ARHGEF10: variants seen among roughly 807,000 people sequenced by gnomAD.
ARHGEF10 encodes Rho guanine nucleotide exchange factor 10.
In ARHGEF10, 140 loss-of-function variants were observed where a neutral mutation model predicts 147.4. The observed-to-expected ratio is 0.95, with a 90% CI of 0.83 to 1.09. The LOEUF is 1.09. Among genes scored for constraint, ARHGEF10 ranks in the 50% least tolerant of loss-of-function variants. The pLI is 0.00. For synonymous variants in ARHGEF10, 902 were observed against 695.8 expected (o/e 1.30, Z -4.67); for missense variants, 2,222 against 1,752.7 (o/e 1.27, Z -4.78).
intron 21 of ARHGEF10, 134 bp downstream of exon 21, chr8:1,924,008 C>A: frequency 1.1e-6 from 1 of 882,656 alleles, no homozygotes; most frequent in Non-Finnish European, 1.8e-6. Context: ...TGTTTCTAAA[C>A]AGGAAAATTC....
chr8:1,909,442 C>T lies in ARHGEF10; in HGVS notation c.2115C>T (p.Ser705=), dbSNP rs770760915. The change falls in exon 18 of 29, where the codon AGC becomes AGT. Residue 705 remains serine, a synonymous_variant. Transcript: ENST00000349830. ...SRHLAVHPPE[S]LAVVANAKPN... ...ACCTTGCCGTTCACCCGCCGGAGAG[C>T]CTGGCCGTGGTTGCTAACGCGAAAC... 6 of 1,614,124 alleles carry T rather than the reference C, an allele frequency of 3.7e-6. No individual in the cohort carries two copies. The East Asian group carries it at 6.7e-5, about 18-fold the overall frequency.
In ARHGEF10 at chr8:1,832,817, CAG is replaced by C. The variant is rs1310190201; in HGVS notation, c.-48+8713_-48+8714del. On this transcript the variant is annotated intron_variant, in intron 1 of 28. Transcript: ENST00000349830. ...ACAGAGGCAGAGGCAGAGACAGAGG[CAG>C]AGAGAGAGGCAGAGGCAGAGACAGA... Among the ~76,000 whole-genome samples, 16 of 54,512 alleles carry C rather than the reference CAG, an allele frequency of 2.9e-4. 1 individual carries two copies. The highest frequency in any genetic ancestry group is 2.5e-3 in the South Asian group (4 of 1,590). 35.8% of individuals were successfully genotyped at this position (54,512 alleles called of 152,430 possible).
chr8:1,839,951 C>T (rs377696731), intron 1 of ARHGEF10, among the ~76,000 whole-genome samples: 63 of 79,606 alleles, frequency 7.9e-4, no homozygotes, highest in African/African-American at 1.6e-3. Context: ...GGGGACTGTC[C>T]GGTGTGGAAG....
chr8:1,909,202 G>A, intron 17 of ARHGEF10, 93 bp from the exon 18 acceptor site: 15 of 1,531,180 alleles, frequency 9.8e-6, no homozygotes, highest in South Asian at 9.0e-5. Context: ...ATTCAGCAGT[G>A]GGAAGTTTCT....
chr8:1,866,628 A>G (rs1420597723), intron 6 of ARHGEF10, 26 bp downstream of exon 6: 1 of 1,599,882 alleles, frequency 6.3e-7, no homozygotes, highest in Non-Finnish European at 8.5e-7. Flanking sequence ...GCCCACAGCC[A>G]GAATCCTCAC....
At chr8:1,939,116 G>T (rs150321942) in intron 26 of ARHGEF10, among the ~76,000 whole-genome samples, 5 of 151,984 alleles carry the variant, frequency 3.3e-5, no homozygotes, top group Non-Finnish European at 7.4e-5. Context: ...CCCAGTCCCC[G>T]GAGACTCCTG....
intron 27 of ARHGEF10, among the ~76,000 whole-genome samples, chr8:1,951,281 T>C (rs1004320427): frequency 1.3e-5 from 2 of 152,278 alleles, no homozygotes; most frequent in Non-Finnish European, 2.9e-5. Context: ...GTACCCTGCG[T>C]ATCAGCTTTG....
intron 18 of ARHGEF10, among the ~76,000 whole-genome samples, chr8:1,921,396 G>T (rs1256716937): frequency 1.3e-5 from 2 of 152,290 alleles, no homozygotes; most frequent in East Asian, 3.9e-4. Flanking sequence ...TAGCATAGAA[G>T]GAAAATGCAG....
At chr8:1,854,165 A>C (rs1805371779) in intron 2 of ARHGEF10, among the ~76,000 whole-genome samples, 1 of 152,208 alleles carries the variant, frequency 6.6e-6, no homozygotes, top group African/African-American at 2.4e-5. Flanking sequence ...CCCAGGGCCC[A>C]GGGCAGTGTC....
At chr8:1,863,831 C>T (rs1043175614) in intron 4 of ARHGEF10, among the ~76,000 whole-genome samples, 3 of 151,888 alleles carry the variant, frequency 2.0e-5, no homozygotes, top group Admixed American at 6.6e-5. Flanking sequence ...TCAGGCGGGT[C>T]GGACTGCGCG....
In ARHGEF10 at chr8:1,830,513, A is replaced by G. The variant is rs529967065; in HGVS notation, c.-48+6400A>G. ...CTATAAAAAGAAACAACCTTTGCAC[A>G]TGAAGAAAATCTACCTGTGGCCATA... On this transcript the variant is annotated intron_variant, in intron 1 of 28. Transcript: ENST00000349830. Among the ~76,000 whole-genome samples, 10 of 152,358 alleles carry G rather than the reference A, an allele frequency of 6.6e-5. No homozygotes were observed. The South Asian group carries it at 2.1e-3, about 32-fold the overall frequency.
chr8:1,957,451 A>G lies in ARHGEF10; in HGVS notation c.*188A>G, dbSNP rs1815675012. 2.0e-5 allele frequency: 16 copies of G among 816,222 alleles called. No homozygotes were observed. In the South Asian group the frequency reaches 2.9e-4, roughly 15 times the overall value. 50.6% of individuals were successfully genotyped at this position (816,222 alleles called of 1,614,324 possible). On this transcript the variant is annotated 3_prime_UTR_variant, in exon 29 of 29. Transcript: ENST00000349830. Reference sequence around the variant, plus strand: ...ATTCCTTCCTTCTCTTCTGTACAGCAGAAGTAATTACAAGCACTTCTCACG... The same window carrying G: ...ATTCCTTCCTTCTCTTCTGTACAGCGGAAGTAATTACAAGCACTTCTCACG...
At chr8:1,952,172 C>T (rs1210402039) in intron 27 of ARHGEF10, among the ~76,000 whole-genome samples, 6 of 152,362 alleles carry the variant, frequency 3.9e-5, no homozygotes, top group East Asian at 1.9e-4. Flanking sequence ...GGCTGTGTGA[C>T]GATGTTGTTC....
chr8:1,856,659 C>T (rs560517092), intron 2 of ARHGEF10, among the ~76,000 whole-genome samples: 1 of 152,318 alleles, frequency 6.6e-6, no homozygotes, highest in South Asian at 2.1e-4. Flanking sequence ...CCCTCAGCCC[C>T]CTCCGGAGCT....
At chr8:1,912,816 A>C (rs2129189208) in intron 18 of ARHGEF10, among the ~76,000 whole-genome samples, 1 of 152,196 alleles carries the variant, frequency 6.6e-6, no homozygotes, top group Middle Eastern at 3.4e-3. Context: ...AATGCTGTGT[A>C]GTTTTCTGGG....
intron 6 of ARHGEF10, among the ~76,000 whole-genome samples, chr8:1,867,680 A>G (rs144023484): frequency 5.1e-4 from 78 of 152,310 alleles, no homozygotes; most frequent in Admixed American, 1.9e-3. Context: ...AGGCTGAAAG[A>G]TTTTTAGCTA....
At chr8:1,845,701 C>A (rs1227008202) in intron 2 of ARHGEF10, among the ~76,000 whole-genome samples, 1 of 152,224 alleles carries the variant, frequency 6.6e-6, no homozygotes, top group African/African-American at 2.4e-5. Context: ...GCCTGGCACC[C>A]TGAGGAGCTC....
Position 1,923,071 on chromosome 8 carries a change from A to G in ARHGEF10, c.2251A>G (p.Asn751Asp). 6.2e-7 allele frequency: 1 copy of G among 1,600,796 alleles called. No homozygotes were observed. Among genetic ancestry groups the G allele is most frequent in the Non-Finnish European group, 8.6e-7 (1 of 1,168,728 alleles). ...ITQLIGNLKG[N>D]YQNLNQSVAH... ...TCAGCTGATAGGAAACCTTAAAGGA[A>G]ACTATCAGGTAACAATTGAAGCAAT... Residue 751 changes from asparagine to aspartate, a missense_variant, in exon 19 of 29, where the codon AAC (asparagine) becomes GAC (aspartate). Coordinates refer to ENST00000349830, the MANE Select transcript of ARHGEF10 (RefSeq NM_014629.4).
intron 1 of ARHGEF10, among the ~76,000 whole-genome samples, chr8:1,838,518 A>C (rs73671004): frequency 6.6e-6 from 1 of 152,360 alleles, no homozygotes; most frequent in Non-Finnish European, 1.5e-5. Context: ...TGCTGTGTGC[A>C]CGCCGGAGGC....
Sources: allele counts gnomAD v4.1 joint callset (sites outside exome capture counted in the v4.1 genomes callset), GRCh38; gene constraint gnomAD v4.1.1; transcripts MANE v1.5; gene names NCBI Gene and HGNC (gene_info 2026-07-23, HGNC 2026-07-21).